EDIL3: variants seen among roughly 807,000 people sequenced by gnomAD.
The protein encoded by EDIL3 is EGF like and discoidin domains 3.
A neutral mutation model predicts 67.4 loss-of-function variants in EDIL3; 37 were observed. The observed-to-expected ratio is 0.55, with a 90% CI of 0.42 to 0.72. EDIL3 has a LOEUF of 0.72. EDIL3 is among the 30% of genes least tolerant of loss of function. The pLI, the probability that EDIL3 is intolerant of heterozygous loss-of-function variation, is 0.00. For missense variants in EDIL3, 527 were observed against 586.3 expected (o/e 0.90, Z 1.04); for synonymous variants, 195 against 196.3 (o/e 0.99, Z 0.05).
chr5:83,972,258 T>A (rs1263454492), intron 9 of EDIL3, among the ~76,000 whole-genome samples: 1 of 152,106 alleles, frequency 6.6e-6, no homozygotes, highest in Non-Finnish European at 1.5e-5. Context: ...TGTTAGGAAG[T>A]CAAGTACTGA....
chr5:84,237,524 T>G (rs1219476932), intron 2 of EDIL3, among the ~76,000 whole-genome samples: 1 of 152,150 alleles, frequency 6.6e-6, no homozygotes, highest in Non-Finnish European at 1.5e-5. Context: ...TATGGCATAA[T>G]TTGTTTCACT....
chr5:84,110,994 G>A (rs932655597), intron 5 of EDIL3, among the ~76,000 whole-genome samples: 4 of 152,118 alleles, frequency 2.6e-5, no homozygotes, highest in Non-Finnish European at 5.9e-5. Context: ...GGACCTGATG[G>A]GAGGTGACTG....
chr5:84,233,168 T>C (rs897171318), intron 2 of EDIL3, among the ~76,000 whole-genome samples: 4 of 152,160 alleles, frequency 2.6e-5, no homozygotes, highest in Admixed American at 6.6e-5. Flanking sequence ...ATTATAATGA[T>C]GGTAGGAAAA....
chr5:84,341,698 A>C (rs1278635696), intron 1 of EDIL3, among the ~76,000 whole-genome samples: 1 of 141,140 alleles, frequency 7.1e-6, no homozygotes, highest in Non-Finnish European at 1.6e-5. Flanking sequence ...AAACCTGAAA[A>C]TCTGTCCCAT....
intron 9 of EDIL3, among the ~76,000 whole-genome samples, chr5:83,975,129 T>C (rs748642818): frequency 1.1e-4 from 17 of 152,008 alleles, no homozygotes; most frequent in Non-Finnish European, 5.9e-5. Flanking sequence ...ATGTAAGGTA[T>C]ATAACTTTCA....
Position 84,074,776 on chromosome 5 carries a change from T to G in EDIL3, c.652-8170A>C, listed in dbSNP as rs1746818811. 2.0e-5 allele frequency among the ~76,000 whole-genome samples: 3 copies of G among 152,244 alleles called. No individual in the cohort carries two copies. The South Asian group carries it at 6.2e-4, about 32-fold the overall frequency. On this transcript the variant is annotated intron_variant, in intron 6 of 10. Coordinates refer to ENST00000296591, the MANE Select transcript of EDIL3 (RefSeq NM_005711.5). ...GGACGGTAAACTAGTTCAACCATTG[T>G]GGAAGTCAGTGTGGCGATTCCTCAG...
chr5:83,993,190 T>C (rs752117800), intron 9 of EDIL3, among the ~76,000 whole-genome samples: 10 of 152,212 alleles, frequency 6.6e-5, no homozygotes, highest in Non-Finnish European at 1.0e-4. Flanking sequence ...ATTTATTTAT[T>C]GAGACAGGGT....
chr5:84,132,426 T>G, intron 5 of EDIL3, among the ~76,000 whole-genome samples: 1 of 116,266 alleles, frequency 8.6e-6, no homozygotes, highest in African/African-American at 3.6e-5. Flanking sequence ...ATTATATATT[T>G]TATATATAAT....
chr5:84,384,608 G>A lies in EDIL3; in HGVS notation c.-234C>T. On this transcript the variant is annotated 5_prime_UTR_variant, in exon 1 of 11. Transcript: ENST00000296591. ...CGCTCCGGCGCGCGGAGGTGGGTGA[G>A]CTCCGGGGAGCCGCCGGCGGGCTCA... 8.7e-6 allele frequency: 3 copies of A among 344,124 alleles called. No individual in the cohort carries two copies. Among genetic ancestry groups the A allele is most frequent in the Non-Finnish European group, 1.0e-5 (2 of 192,368 alleles). 21.3% of individuals were successfully genotyped at this position (344,124 alleles called of 1,614,324 possible).
Position 84,252,478 on chromosome 5 carries a change from A to G in EDIL3, c.196+1606T>C, listed in dbSNP as rs922873193. On this transcript the variant is annotated intron_variant, in intron 2 of 10. Coordinates refer to ENST00000296591, the MANE Select transcript of EDIL3 (RefSeq NM_005711.5). ...CAGTGCACCCCAGCCTGTGCGACAAAGTGAGACTCCGTCTCAAAAAAAAAA... is the reference window on the plus strand; with the variant it reads ...CAGTGCACCCCAGCCTGTGCGACAAGGTGAGACTCCGTCTCAAAAAAAAAA... Among the ~76,000 whole-genome samples the G allele has an allele frequency of 2.9e-4, 39 of 134,844 alleles. 2 individuals are homozygous for G. In the East Asian group the frequency reaches 7.9e-3, roughly 27 times the overall value. The allele number at this position is 134,844 out of a possible 152,430, so 88.5% of individuals were successfully genotyped here. A position where few individuals can be genotyped will look rare whatever the true frequency, so the allele number is the denominator to read the frequency against.
intron 9 of EDIL3, among the ~76,000 whole-genome samples, chr5:84,046,008 C>T (rs1267867264): frequency 6.6e-6 from 1 of 152,152 alleles, no homozygotes; most frequent in Non-Finnish European, 1.5e-5. Context: ...TGAGCAAGCT[C>T]GCTGGACAGA....
At chr5:84,079,598 A>C (rs1266235165) in intron 6 of EDIL3, among the ~76,000 whole-genome samples, 1 of 152,024 alleles carries the variant, frequency 6.6e-6, no homozygotes, top group Non-Finnish European at 1.5e-5. Context: ...TCACAGTGAA[A>C]ACAATTCTCC....
In EDIL3 at chr5:84,297,552, CAG is replaced by C. The variant is rs1368891030; in HGVS notation, c.68-43342_68-43341del. On this transcript the variant is annotated intron_variant, in intron 1 of 10. Coordinates refer to ENST00000296591, the MANE Select transcript of EDIL3 (RefSeq NM_005711.5). ...AGGTCGTGGGGGTGACGAATTCCGGCAGAGTCAAAGGAATGAGAAAAAGTCAG... is the reference window on the plus strand; with the variant it reads ...AGGTCGTGGGGGTGACGAATTCCGGCAGTCAAAGGAATGAGAAAAAGTCAG... Among the ~76,000 whole-genome samples, 6 of 152,152 alleles carry C rather than the reference CAG, an allele frequency of 3.9e-5. No individual in the cohort carries two copies. The South Asian group carries it at 1.2e-3, about 32-fold the overall frequency.
In EDIL3 at chr5:84,377,608, T is replaced by G. The variant is rs1470344886; in HGVS notation, c.67+6700A>C. Among the ~76,000 whole-genome samples, 3 of 152,284 alleles carry G rather than the reference T, an allele frequency of 2.0e-5. No homozygotes were observed. In the East Asian group the frequency reaches 5.8e-4, roughly 29 times the overall value. On this transcript the variant is annotated intron_variant, in intron 1 of 10. Coordinates refer to ENST00000296591, the MANE Select transcript of EDIL3 (RefSeq NM_005711.5). ...TGCATTCCCAAAATATACCACTTTG[T>G]TAAATACCAAGCACAAACCTTAAGG...
chr5:84,232,635 C>T (rs1162596201), intron 2 of EDIL3, among the ~76,000 whole-genome samples: 1 of 152,116 alleles, frequency 6.6e-6, no homozygotes, highest in Non-Finnish European at 1.5e-5. Context: ...GAATTACAGC[C>T]AGCAAATACA....
chr5:83,960,245 T>G (rs1744585012), intron 10 of EDIL3, among the ~76,000 whole-genome samples: 1 of 151,086 alleles, frequency 6.6e-6, no homozygotes, highest in Non-Finnish European at 1.5e-5. Context: ...ATAAAAATGG[T>G]TTCATTAAAA....
chr5:84,169,638 TG>T (rs1748777153), intron 4 of EDIL3, among the ~76,000 whole-genome samples: 1 of 150,404 alleles, frequency 6.6e-6, no homozygotes, highest in Non-Finnish European at 1.5e-5. Context: ...TCATCTAGTA[TG>T]TATTCTCTTG....
chr5:83,976,998 G>C (rs1289307933), intron 9 of EDIL3, among the ~76,000 whole-genome samples: 1 of 151,664 alleles, frequency 6.6e-6, no homozygotes, highest in African/African-American at 2.4e-5. Context: ...CCTGTCATTA[G>C]TATTTGATTG....
intron 9 of EDIL3, among the ~76,000 whole-genome samples, chr5:83,995,231 TAC>T (rs1360354536): frequency 6.6e-6 from 1 of 151,830 alleles, no homozygotes; most frequent in African/African-American, 2.4e-5. Flanking sequence ...TATGATACCC[TAC>T]AGACCATCCA....
Sources: gnomAD v4.1 joint callset for allele counts (sites outside exome capture counted in the v4.1 genomes callset) on GRCh38, gnomAD v4.1.1 for gene constraint, MANE v1.5 for transcripts, NCBI Gene and HGNC (gene_info 2026-07-23, HGNC 2026-07-21) for gene names.